Variants in HSD17B4 observed in about 807,000 individuals in gnomAD.
HSD17B4 encodes the protein hydroxysteroid 17-beta dehydrogenase 4, also known as peroxisomal multifunctional enzyme type 2.
A neutral mutation model predicts 101.0 loss-of-function variants in HSD17B4; 70 were observed. The ratio of observed to expected loss-of-function variants is 0.69; its 90% CI spans 0.57 to 0.85. HSD17B4 has a LOEUF of 0.85. HSD17B4 is among the 40% of genes least tolerant of loss of function. The pLI is 0.00. For missense variants in HSD17B4, 984 were observed against 892.4 expected (o/e 1.10, Z -1.31); for synonymous variants, 347 against 297.1 (o/e 1.17, Z -1.73).
chr5:119,494,325 T>TTTTCTTTTCTTTC (rs1554064681), intron 11 of HSD17B4, among the ~76,000 whole-genome samples: 49 of 111,614 alleles, frequency 4.4e-4, no homozygotes, highest in East Asian at 1.3e-3. Context: ...TCTTTCTTTC[T>TTTTCTTTTCTTTC]TTTCTTTCTT....
At chr5:119,471,566 A>G in intron 2 of HSD17B4, 1 of 609,892 alleles carries the variant, frequency 1.6e-6, no homozygotes, top group South Asian at 4.5e-5. Context: ...AATTGTGTTA[A>G]TCATAACTAT....
intron 16 of HSD17B4, chr5:119,509,571 T>C: frequency 2.5e-6 from 1 of 404,242 alleles, no homozygotes; most frequent in Non-Finnish European, 4.7e-6. Flanking sequence ...CTTCTTTTTC[T>C]CAGAGACAAG....
chr5:119,493,992 CAGCA>C (rs1580607281), intron 11 of HSD17B4, 46 bp downstream of exon 11: 2 of 1,603,214 alleles, frequency 1.2e-6, no homozygotes. Flanking sequence ...GAATCAGAGG[CAGCA>C]AGCATTTTCT....
At chr5:119,476,971 CACTA>C (rs1374325803) in intron 6 of HSD17B4, among the ~76,000 whole-genome samples, 1 of 152,146 alleles carries the variant, frequency 6.6e-6, no homozygotes, top group Non-Finnish European at 1.5e-5. Flanking sequence ...ACAGGCCTCT[CACTA>C]ACTCATTTGC....
At chr5:119,465,198 A>T (rs990642272) in intron 2 of HSD17B4, among the ~76,000 whole-genome samples, 2 of 152,106 alleles carry the variant, frequency 1.3e-5, no homozygotes, top group African/African-American at 4.8e-5. Flanking sequence ...TGAATGGGTT[A>T]ATTTATTTCT....
intron 23 of HSD17B4, 125 bp downstream of exon 23, chr5:119,536,675 C>A: frequency 1.2e-6 from 1 of 838,312 alleles, no homozygotes; most frequent in Non-Finnish European, 2.0e-6. Flanking sequence ...GAAGATGACA[C>A]AGTTGCTACT....
intron 2 of HSD17B4, among the ~76,000 whole-genome samples, chr5:119,465,134 G>A (rs922873927): frequency 3.9e-5 from 6 of 152,038 alleles, no homozygotes; most frequent in African/African-American, 1.4e-4. Flanking sequence ...CATTGAACCT[G>A]TAGATCACTT....
chr5:119,456,252 G>T, intron 1 of HSD17B4, 63 bp from the exon 2 acceptor site: 1 of 1,039,296 alleles, frequency 9.6e-7, no homozygotes, highest in South Asian at 1.3e-5. Flanking sequence ...GGATTGAGTT[G>T]AGCGGACCAA....
chr5:119,479,022 G>GTT lies in HSD17B4; in HGVS notation c.622+2_622+3insTT. The GTT allele has an allele frequency of 6.2e-7, 1 of 1,610,072 alleles. No homozygotes were observed. The highest frequency in any genetic ancestry group is 8.5e-7 in the Non-Finnish European group (1 of 1,176,440). ...ATGACTCAGACAGTTATGCCTGAAG[G>GTT]TAAGTAAGCAAGCTTATATTTTTCA... On this transcript the variant is annotated splice_donor_variant, in intron 8 of 23. Coordinates refer to ENST00000510025, the MANE Select transcript of HSD17B4 (RefSeq NM_000414.4). LOFTEE classifies it high-confidence loss of function.
chr5:119,496,045 A>T (rs1750618618), intron 11 of HSD17B4, among the ~76,000 whole-genome samples: 1 of 152,076 alleles, frequency 6.6e-6, no homozygotes, highest in Admixed American at 6.6e-5. Context: ...ATTGGTTATG[A>T]TGATGATTTT....
chr5:119,497,783 TG>T, intron 12 of HSD17B4, among the ~76,000 whole-genome samples: 1 of 152,360 alleles, frequency 6.6e-6, no homozygotes, highest in East Asian at 1.9e-4. Flanking sequence ...TGATAGAATT[TG>T]AACATAAGCT....
intron 14 of HSD17B4, among the ~76,000 whole-genome samples, chr5:119,504,399 C>T (rs145890873): frequency 5.4e-4 from 82 of 152,314 alleles, no homozygotes; most frequent in African/African-American, 1.9e-3. Context: ...TTCCCTCCAA[C>T]AGTGTATAAA....
At chr5:119,512,477 A>T (rs1192479698) in intron 16 of HSD17B4, among the ~76,000 whole-genome samples, 1 of 152,160 alleles carries the variant, frequency 6.6e-6, no homozygotes, top group Non-Finnish European at 1.5e-5. Context: ...AGGAACCCTA[A>T]TAAGATTAAG....
chr5:119,509,330 C>G, intron 16 of HSD17B4, 86 bp downstream of exon 16: 1 of 884,796 alleles, frequency 1.1e-6, no homozygotes, highest in Non-Finnish European at 1.9e-6. Context: ...TGAGTTTGAA[C>G]TGCATGAGCC....
At chr5:119,516,563 G>A (rs553183415) in intron 17 of HSD17B4, among the ~76,000 whole-genome samples, 1 of 152,108 alleles carries the variant, frequency 6.6e-6, no homozygotes, top group East Asian at 1.9e-4. Flanking sequence ...TGAATAATGG[G>A]CACTCATCAT....
intron 23 of HSD17B4, among the ~76,000 whole-genome samples, chr5:119,541,364 C>T (rs953166303): frequency 4.6e-5 from 7 of 152,142 alleles, no homozygotes; most frequent in Admixed American, 3.3e-4. Context: ...ACAGAGGCCA[C>T]GTATCTAAGC....
chr5:119,539,425 C>T (rs750943237), intron 23 of HSD17B4, among the ~76,000 whole-genome samples: 13 of 128,430 alleles, frequency 1.0e-4, no homozygotes, highest in Non-Finnish European at 2.0e-4. Context: ...CACACGGGGA[C>T]CTGTCATGGG....
chr5:119,525,546 T>G (rs1753509505), intron 18 of HSD17B4, among the ~76,000 whole-genome samples: 2 of 152,102 alleles, frequency 1.3e-5, no homozygotes, highest in East Asian at 3.9e-4. Context: ...GGTGTGTGAG[T>G]TATCACAAAG....
chr5:119,470,292 G>C (rs967831635), intron 2 of HSD17B4, among the ~76,000 whole-genome samples: 60 of 152,022 alleles, frequency 3.9e-4, no homozygotes, highest in Admixed American at 3.8e-3. Context: ...GCAGCCTTCT[G>C]TGTGGGCATG....
Sources: allele counts gnomAD v4.1 joint callset (sites outside exome capture counted in the v4.1 genomes callset), GRCh38; gene constraint gnomAD v4.1.1; transcripts MANE v1.5; gene names NCBI Gene and HGNC (gene_info 2026-07-23, HGNC 2026-07-21).